TTC34: variants seen among roughly 807,000 people sequenced by gnomAD.
TTC34 encodes the protein tetratricopeptide repeat protein 34.
Under a neutral mutation model 40.7 loss-of-function variants are expected in TTC34, and 44 were observed. That is an observed-to-expected ratio of 1.08 (90% confidence interval 0.85 to 1.39). The LOEUF (loss-of-function observed/expected upper bound fraction) is 1.39. TTC34 is among the 40% of genes most tolerant of loss of function. The pLI is 0.00. For synonymous variants in TTC34, 422 were observed against 398.6 expected, an observed-to-expected ratio of 1.06 and a Z score of -0.70; for missense variants, 884 against 838.0, an observed-to-expected ratio of 1.05 and a Z score of -0.68.
At chr1:2,684,581 G>A (rs531149202) in intron 6 of TTC34, among the ~76,000 whole-genome samples, 1 of 138,028 alleles carries the variant, frequency 7.2e-6, no homozygotes, top group South Asian at 2.2e-4. Flanking sequence ...CCGATAGCCT[G>A]GAGCAACACC....
chr1:2,787,490 G>A lies in TTC34; in HGVS notation c.1845C>T (p.Asp615=), dbSNP rs61735662. 2,147 of 1,486,958 alleles carry A rather than the reference G, an allele frequency of 1.4e-3. 21 individuals carry two copies. In the African/African-American group the frequency reaches 0.024, roughly 16 times the overall value. The allele number at this position is 1,486,958 out of a possible 1,614,324, so 92.1% of individuals were successfully genotyped here. A position where few individuals can be genotyped will look rare whatever the true frequency, so the allele number is the denominator to read the frequency against. The change falls in exon 4 of 9, where the codon GAC becomes GAT. Residue 615 remains aspartate, a synonymous_variant. Coordinates refer to ENST00000401095, the Ensembl canonical transcript of TTC34. ...CCCCAGGCCTCCTCACCTGGTTGGC[G>A]TCATAGAAGAAGCCCCTCCTCAGCT...
intron 6 of TTC34, among the ~76,000 whole-genome samples, chr1:2,692,586 CCCATGTGAGCATCTGACTGCCTGGA>C (rs1640674584): frequency 7.1e-6 from 1 of 139,980 alleles, no homozygotes; most frequent in Non-Finnish European, 1.5e-5. Context: ...CACCCACACC[CCCATGTGAGCATCTGACTGCCTGGA>C]ACAGCACCCA....
At chr1:2,753,081 A>C (rs1641378776) in intron 6 of TTC34, among the ~76,000 whole-genome samples, 2 of 148,426 alleles carry the variant, frequency 1.3e-5, no homozygotes, top group African/African-American at 2.5e-5. Context: ...GACAGCCTGG[A>C]ACGGCAACCA....
At chr1:2,753,062 T>G (rs1413285596) in intron 6 of TTC34, among the ~76,000 whole-genome samples, 1 of 135,566 alleles carries the variant, frequency 7.4e-6, no homozygotes, top group African/African-American at 2.9e-5. Flanking sequence ...CACCCCCAGG[T>G]GAGCATCTGA....
At chr1:2,773,450 G>A (rs1178287761) in intron 6 of TTC34, among the ~76,000 whole-genome samples, 82 of 9,498 alleles carry the variant, frequency 8.6e-3, no homozygotes, top group Admixed American at 0.015. Context: ...CTGGAGCAGC[G>A]CCCACACACC....
exon 3 of TTC34, chr1:2,790,102 G>C (rs888848954): frequency 5.0e-6 from 2 of 398,162 alleles, no homozygotes; most frequent in Non-Finnish European, 8.9e-6. Flanking sequence ...CCGCATCCTC[G>C]CGGAGCTCAG....
chr1:2,684,547 G>T lies in TTC34; in HGVS notation c.2227-38984C>A, dbSNP rs1640231181. Among the ~76,000 whole-genome samples the T allele has an allele frequency of 1.4e-5, 2 of 142,416 alleles. 1 individual carries two copies. Among genetic ancestry groups the T allele is most frequent in the African/African-American group, 5.7e-5 (2 of 35,136 alleles). The allele number at this position is 142,416 out of a possible 152,430, so 93.4% of individuals were successfully genotyped here. A position where few individuals can be genotyped will look rare whatever the true frequency, so the allele number is the denominator to read the frequency against. ...GGTGAGCATCCGACATCCTGAAACA[G>T]CTCCCACAACCCCAGGTGAGCATCC... On this transcript the variant is annotated intron_variant, in intron 6 of 8. Coordinates refer to ENST00000401095, the Ensembl canonical transcript of TTC34.
At chr1:2,683,247 G>T (rs1640157814) in intron 6 of TTC34, among the ~76,000 whole-genome samples, 2 of 148,464 alleles carry the variant, frequency 1.3e-5, no homozygotes, top group Non-Finnish European at 3.0e-5. Context: ...GTGAGCATCT[G>T]ATGGTTTGCA....
chr1:2,792,865 C>G (rs2100632967), intron 2 of TTC34, among the ~76,000 whole-genome samples: 1 of 152,362 alleles, frequency 6.6e-6, no homozygotes, highest in Admixed American at 6.5e-5. Flanking sequence ...GATTGAGGAG[C>G]CCCCTCAGGT....
chr1:2,686,812 AGCAT>A (rs1557612078), intron 6 of TTC34, among the ~76,000 whole-genome samples: 5 of 113,430 alleles, frequency 4.4e-5, no homozygotes, highest in Admixed American at 2.1e-4. Context: ...CCCCCAGGCG[AGCAT>A]CTGACAGCCT....
chr1:2,637,894 CGTG>C (rs1186272736), exon 9 of TTC34: 1 of 152,146 alleles, frequency 6.6e-6, no homozygotes, highest in African/African-American at 2.4e-5. Context: ...ACTACTGAAA[CGTG>C]GGCACTGAGT....
chr1:2,752,483 C>G (rs1641355004), intron 6 of TTC34, among the ~76,000 whole-genome samples: 1 of 147,492 alleles, frequency 6.8e-6, no homozygotes, highest in Admixed American at 6.8e-5. Flanking sequence ...CCTGGAACAG[C>G]ACCCACACAG....
At chr1:2,800,393 G>A (rs1643758565) in exon 2 of TTC34, 1 of 398,484 alleles carries the variant, frequency 2.5e-6, no homozygotes. Context: ...GGACCCAGGC[G>A]AGGGCGCGGG....
chr1:2,698,968 C>T (rs1640998876), intron 6 of TTC34, among the ~76,000 whole-genome samples: 1 of 107,096 alleles, frequency 9.3e-6, no homozygotes, highest in East Asian at 2.9e-4. Flanking sequence ...CATCACCCTG[C>T]CCCCCCAGGT....
intron 6 of TTC34, among the ~76,000 whole-genome samples, chr1:2,685,410 C>T (rs1640287540): frequency 1.4e-5 from 2 of 141,584 alleles, no homozygotes; most frequent in African/African-American, 5.9e-5. Flanking sequence ...CACAGGTGAG[C>T]ATCGGAGAGT....
chr1:2,797,621 C>G (rs1163545157), intron 2 of TTC34, among the ~76,000 whole-genome samples: 1 of 152,118 alleles, frequency 6.6e-6, no homozygotes, highest in African/African-American at 2.4e-5. Context: ...CACACAGCAG[C>G]CTTTGGGGTG....
At chr1:2,778,657 C>A (rs1440916149) in intron 6 of TTC34, among the ~76,000 whole-genome samples, 6 of 152,248 alleles carry the variant, frequency 3.9e-5, no homozygotes, top group African/African-American at 1.4e-4. Flanking sequence ...CCAGGCAACA[C>A]CTGGGCATAT....
intron 8 of TTC34, among the ~76,000 whole-genome samples, chr1:2,643,858 A>C (rs142706819): frequency 0.015 from 2,286 of 152,240 alleles, 26 homozygotes; most frequent in Non-Finnish European, 0.025. Context: ...TGCCTCTGGG[A>C]CCCCAAAGCC....
At chr1:2,750,689 C>A (rs1241120596) in intron 6 of TTC34, among the ~76,000 whole-genome samples, 15 of 147,990 alleles carry the variant, frequency 1.0e-4, no homozygotes, top group Middle Eastern at 3.6e-3. Flanking sequence ...CCCTGCACCC[C>A]CAAGTGAGCA....
Sources: allele counts gnomAD v4.1 joint callset (sites outside exome capture counted in the v4.1 genomes callset), GRCh38; gene constraint gnomAD v4.1.1; transcripts MANE v1.5; gene names NCBI Gene and HGNC (gene_info 2026-07-23, HGNC 2026-07-21).